FAM89A: variants seen among roughly 807,000 people sequenced by gnomAD.
FAM89A encodes the protein protein FAM89A.
Under a neutral mutation model 7.1 loss-of-function variants are expected in FAM89A, and 10 were observed. That is an observed-to-expected ratio of 1.40 (90% confidence interval 0.86 to 2.38). The LOEUF is 2.38. Ranked by LOEUF, FAM89A falls within the 30% of genes most tolerant of loss-of-function variation. The pLI is 0.00. For missense variants in FAM89A, 276 were observed against 262.8 expected, an observed-to-expected ratio of 1.05 and a Z score of -0.35; for synonymous variants, 157 against 129.3, an observed-to-expected ratio of 1.21 and a Z score of -1.45.
At chr1:231,039,413 A>G (rs981672365) in intron 1 of FAM89A, among the ~76,000 whole-genome samples, 5 of 152,160 alleles carry the variant, frequency 3.3e-5, no homozygotes, top group African/African-American at 9.7e-5. Context: ...TAATCGGATC[A>G]CGGACGCGCG....
intron 1 of FAM89A, among the ~76,000 whole-genome samples, chr1:231,029,346 G>T (rs770768936): frequency 6.6e-6 from 1 of 151,942 alleles, no homozygotes; most frequent in Non-Finnish European, 1.5e-5. Context: ...TTAAAAATTG[G>T]CTGGGTGTGG....
At chr1:231,021,199 C>T (rs763400020) in intron 1 of FAM89A, among the ~76,000 whole-genome samples, 3 of 152,254 alleles carry the variant, frequency 2.0e-5, no homozygotes, top group Non-Finnish European at 4.4e-5. Context: ...GACCTGCCTT[C>T]GGCTTCTTGG....
At chr1:231,025,645 AG>A (rs965575869) in intron 1 of FAM89A, among the ~76,000 whole-genome samples, 1 of 151,958 alleles carries the variant, frequency 6.6e-6, no homozygotes, top group Non-Finnish European at 1.5e-5. Flanking sequence ...GTCAAGAGGG[AG>A]GGAAACAGCA....
At chr1:231,034,547 C>T (rs562665484) in intron 1 of FAM89A, among the ~76,000 whole-genome samples, 4 of 151,802 alleles carry the variant, frequency 2.6e-5, no homozygotes, top group South Asian at 4.1e-4. Flanking sequence ...CTGAAGCGGG[C>T]GGATCATCTG....
intron 1 of FAM89A, among the ~76,000 whole-genome samples, chr1:231,037,414 A>G (rs1198490128): frequency 6.6e-6 from 1 of 152,102 alleles, no homozygotes; most frequent in Non-Finnish European, 1.5e-5. Flanking sequence ...CCTTTTCATC[A>G]TCTTCCTTGA....
intron 1 of FAM89A, among the ~76,000 whole-genome samples, chr1:231,029,447 G>A (rs188843414): frequency 2.0e-4 from 30 of 151,732 alleles, no homozygotes; most frequent in Admixed American, 7.2e-4. Context: ...CGCTGTGATC[G>A]CACCACTGCA....
intron 1 of FAM89A, among the ~76,000 whole-genome samples, chr1:231,023,316 C>T (rs2103070886): frequency 6.6e-6 from 1 of 152,344 alleles, no homozygotes; most frequent in South Asian, 2.1e-4. Context: ...AGAGGACAAC[C>T]TCTCCTTCAC....
chr1:231,031,477 G>A (rs1373419249), intron 1 of FAM89A, among the ~76,000 whole-genome samples: 2 of 152,110 alleles, frequency 1.3e-5, no homozygotes, highest in African/African-American at 4.8e-5. Context: ...TGAAAAAAGT[G>A]GAAAATTGAT....
intron 1 of FAM89A, among the ~76,000 whole-genome samples, chr1:231,023,993 A>G (rs1679920448): frequency 6.6e-6 from 1 of 152,250 alleles, no homozygotes; most frequent in African/African-American, 2.4e-5. Context: ...CCTAAATTAA[A>G]TTGATAAAAA....
chr1:231,037,513 C>T (rs1680177736), intron 1 of FAM89A, among the ~76,000 whole-genome samples: 1 of 152,140 alleles, frequency 6.6e-6, no homozygotes, highest in African/African-American at 2.4e-5. Context: ...CTGCTGGGGA[C>T]TCCATCACCT....
chr1:231,035,840 G>A (rs1338803523), intron 1 of FAM89A, among the ~76,000 whole-genome samples: 1 of 152,192 alleles, frequency 6.6e-6, no homozygotes, highest in Admixed American at 6.5e-5. Flanking sequence ...TTTGCAAACT[G>A]TCCTTTCTTT....
intron 1 of FAM89A, among the ~76,000 whole-genome samples, chr1:231,027,377 C>T (rs1014901751): frequency 6.6e-6 from 1 of 152,186 alleles, no homozygotes; most frequent in Non-Finnish European, 1.5e-5. Flanking sequence ...ACAGCGCAGC[C>T]CCGCACACAC....
In FAM89A at chr1:231,040,106, G is replaced by A; in HGVS notation, c.106C>T (p.His36Tyr). 1 of 1,424,790 alleles carries A rather than the reference G, an allele frequency of 7.0e-7. No homozygotes were observed. Among genetic ancestry groups the A allele is most frequent in the South Asian group, 1.4e-5 (1 of 69,968 alleles). The allele number at this position is 1,424,790 out of a possible 1,614,324, so 88.3% of individuals were successfully genotyped here. Residue 36 changes from histidine to tyrosine, a missense_variant, in exon 1 of 2, where the codon CAC becomes TAC. By Grantham distance (83) the His-to-Tyr change is moderately conservative. Transcript: ENST00000366654. ...GACGCGCCGCCGCCCGACGCCGAGT[G>A]CAGCAGCCCGCTCAAGCTCTTTGGC... is the stretch of plus-strand genomic sequence containing the variant. ...PLPKSLSGLL[H>Y]SASGGGASGG...
At chr1:231,022,000 C>A (rs773965410) in intron 1 of FAM89A, 1 of 1,336,742 alleles carries the variant, frequency 7.5e-7, no homozygotes. Context: ...CGGGTACTGT[C>A]GGTTGTCCTA....
rs1200709420 is a variant in FAM89A, at chr1:231,019,066, G to A, written c.*797C>T. The A allele has an allele frequency of 6.6e-6, 1 of 152,068 alleles. No homozygotes were observed. The highest frequency in any genetic ancestry group is 1.5e-5 in the Non-Finnish European group (1 of 68,028). 9.4% of individuals were successfully genotyped at this position (152,068 alleles called of 1,614,324 possible). A position where few individuals can be genotyped will look rare whatever the true frequency, so the allele number is the denominator to read the frequency against. ...AGGTAATTACTGGTTTGAGTGGCGG[G>A]TGGTTTGCTTTCTAGCACACTAGTT... On this transcript the variant is annotated 3_prime_UTR_variant, in exon 2 of 2. Coordinates refer to ENST00000366654, the MANE Select transcript of FAM89A (RefSeq NM_198552.3).
chr1:231,022,184 A>ATGGAGTG, intron 1 of FAM89A: 1 of 1,000,642 alleles, frequency 1.0e-6, no homozygotes, highest in Non-Finnish European at 1.6e-6. Context: ...TCATATATGA[A>ATGGAGTG]GTATTCAGAG....
intron 1 of FAM89A, chr1:231,026,432 C>A (rs1489377685): frequency 6.6e-6 from 1 of 152,212 alleles, no homozygotes; most frequent in Non-Finnish European, 1.5e-5. Context: ...CCACTGCACT[C>A]CTCTCCAAAC....
chr1:231,019,938 G>A lies in FAM89A; in HGVS notation c.480C>T (p.Asp160=). ...GTGACAAGTCCCGAGGAGGGCCTCG[G>A]TCCCTCCTGTCGTGCAGGGAGTTCT... ...QEQNSLHDRR[D]RGPPRDLSLP... The change falls in exon 2 of 2, where the codon GAC becomes GAT. Residue 160 remains aspartate (D), a synonymous_variant. Coordinates refer to ENST00000366654, the MANE Select transcript of FAM89A (RefSeq NM_198552.3). 1 of 1,614,166 alleles carries A rather than the reference G, an allele frequency of 6.2e-7. No homozygotes were observed. Among genetic ancestry groups the A allele is most frequent in the Non-Finnish European group, 8.5e-7 (1 of 1,180,026 alleles).
chr1:231,034,233 A>G (rs753742047), intron 1 of FAM89A, among the ~76,000 whole-genome samples: 2 of 152,206 alleles, frequency 1.3e-5, no homozygotes, highest in Non-Finnish European at 2.9e-5. Flanking sequence ...CGTGTGCCCA[A>G]AAGTTATGAC....
Sources: allele counts gnomAD v4.1 joint callset (sites outside exome capture counted in the v4.1 genomes callset), GRCh38; gene constraint gnomAD v4.1.1; transcripts MANE v1.5; gene names NCBI Gene and HGNC (gene_info 2026-07-23, HGNC 2026-07-21).